Variants in STARD7 observed in about 807,000 individuals in gnomAD.
STARD7 encodes StAR related lipid transfer domain containing 7.
STARD7 carries 30 observed loss-of-function variants against 45.3 expected under a neutral mutation model. That is an observed-to-expected ratio of 0.66 (90% CI 0.50 to 0.90). The LOEUF is 0.90. Ranked by LOEUF, STARD7 falls within the 40% of genes least tolerant of loss-of-function variation. The pLI is 0.00. For synonymous variants in STARD7, 199 were observed against 183.0 expected (o/e 1.09, Z -0.70); for missense variants, 495 against 491.3 (o/e 1.01, Z -0.07).
chr2:96,196,711 T>C (rs993162152), intron 1 of STARD7, among the ~76,000 whole-genome samples: 2 of 152,168 alleles, frequency 1.3e-5, no homozygotes, highest in Middle Eastern at 3.4e-3. Context: ...TCTGCCCGCC[T>C]CGGCCTCCCA....
At chr2:96,191,214 G>A (rs1276273827) in intron 6 of STARD7, among the ~76,000 whole-genome samples, 1 of 152,054 alleles carries the variant, frequency 6.6e-6, no homozygotes, top group Non-Finnish European at 1.5e-5. Flanking sequence ...ATATATAATA[G>A]AAGAACTGGG....
At chr2:96,202,824 C>G (rs576894273) in intron 1 of STARD7, among the ~76,000 whole-genome samples, 1 of 152,256 alleles carries the variant, frequency 6.6e-6, no homozygotes, top group African/African-American at 2.4e-5. Flanking sequence ...ACATCAGAGG[C>G]TCATAAAATA....
chr2:96,199,944 T>G (rs1338672173), intron 1 of STARD7, among the ~76,000 whole-genome samples: 1 of 152,242 alleles, frequency 6.6e-6, no homozygotes, highest in Non-Finnish European at 1.5e-5. Context: ...TTTTTTCTAT[T>G]AATATGGTGT....
Position 96,208,212 on chromosome 2 carries a change from A to C in STARD7, c.223T>G (p.Leu75Val). 1 of 1,612,468 alleles carries C rather than the reference A, an allele frequency of 6.2e-7. No homozygotes were observed. Among genetic ancestry groups the C allele is most frequent in the Non-Finnish European group, 8.5e-7 (1 of 1,179,432 alleles). ...LHGRPGHASA[L>V]MAALAGVFVW... ...AAGACGCCGGCTAACGCCGCCATCA[A>C]GGCAGAGGCATGGCCAGGACGGCCG... is the stretch of plus-strand genomic sequence containing the variant. The change falls in exon 1 of 8, where the codon TTG (leucine) becomes GTG (valine). Residue 75 changes from leucine to valine, a missense_variant. By Grantham distance (32) the Leu-to-Val change is conservative (BLOSUM62 1). Transcript: ENST00000337288.
At chr2:96,187,154 G>GATA in intron 7 of STARD7, 63 bp downstream of exon 7, 1 of 1,270,590 alleles carries the variant, frequency 7.9e-7, no homozygotes, top group Non-Finnish European at 1.1e-6. Flanking sequence ...TCCCCATTAG[G>GATA]AAATAGAGAA....
chr2:96,188,951 T>C (rs1212341609), intron 6 of STARD7, among the ~76,000 whole-genome samples: 1 of 151,728 alleles, frequency 6.6e-6, no homozygotes, highest in African/African-American at 2.4e-5. Context: ...TTTGGGTGTT[T>C]TTTTTTTCTT....
intron 1 of STARD7, among the ~76,000 whole-genome samples, chr2:96,197,418 A>T (rs1190605937): frequency 2.0e-5 from 3 of 152,176 alleles, no homozygotes; most frequent in Non-Finnish European, 4.4e-5. Flanking sequence ...AATAAATAAA[A>T]AATAAAATAA....
At position 96,208,353 on chromosome 2, in the gene STARD7, G is replaced by T; in HGVS notation, c.82C>A (p.Arg28Ser). The T allele has an allele frequency of 1.3e-6, 2 of 1,581,990 alleles. No homozygotes were observed. Among genetic ancestry groups the T allele is most frequent in the South Asian group, 2.3e-5 (2 of 87,866 alleles). Residue 28 changes from arginine (R) to serine (S), a missense_variant, in exon 1 of 8, where the codon CGC becomes AGC. Transcript: ENST00000337288. ...CGCACGCGCAGGCCCGTGACGAAGC[G>T]GCACTGATTGGCCAGAAGCGCCAGC... ...GLLALLANQC[R>S]FVTGLRVRRA...
intron 5 of STARD7, 66 bp from the exon 6 acceptor site, chr2:96,192,534 A>C (rs1465622197): frequency 8.0e-7 from 1 of 1,252,816 alleles, no homozygotes; most frequent in Non-Finnish European, 1.2e-6. Context: ...AGGAGAGCTA[A>C]GTTAAGGGGA....
rs199605142 is a variant in STARD7, at chr2:96,199,622, CTT to C, written c.291-4075_291-4074del. 4.6e-5 allele frequency among the ~76,000 whole-genome samples: 7 copies of C among 152,256 alleles called. No homozygotes were observed. The East Asian group carries it at 1.3e-3, about 29-fold the overall frequency. ...GCTGCAAATAGAGATAGTTTTATTT[CTT>C]CTTTCCAATCTAAATGACTTTCATT... On this transcript the variant is annotated intron_variant, in intron 1 of 7. Coordinates refer to ENST00000337288, the MANE Select transcript of STARD7 (RefSeq NM_020151.4).
At chr2:96,205,687 C>T (rs1277269708) in intron 1 of STARD7, among the ~76,000 whole-genome samples, 1 of 152,138 alleles carries the variant, frequency 6.6e-6, no homozygotes, top group African/African-American at 2.4e-5. Flanking sequence ...TACTTAAACA[C>T]AAAGCAAATA....
At chr2:96,199,004 T>C (rs1005748402) in intron 1 of STARD7, among the ~76,000 whole-genome samples, 1 of 152,220 alleles carries the variant, frequency 6.6e-6, no homozygotes, top group African/African-American at 2.4e-5. Flanking sequence ...AAAGGTTTAT[T>C]TCTAGACTCT....
Position 96,187,310 on chromosome 2 carries a change from G to C in STARD7, c.844-9C>G, listed in dbSNP as rs1683052964. On this transcript the variant is annotated splice_polypyrimidine_tract_variant and intron_variant, in intron 6 of 7. Transcript: ENST00000337288. ...AAGTAGTCAAAGCCATTCTGGAAAA[G>C]AAAAACAGCAAAAATGAAGATCCCT... 1 of 1,596,280 alleles carries C rather than the reference G, an allele frequency of 6.3e-7. No individual in the cohort carries two copies. The highest frequency in any genetic ancestry group is 1.3e-5 in the African/African-American group (1 of 74,464).
chr2:96,204,937 T>C (rs1573947838), intron 1 of STARD7, among the ~76,000 whole-genome samples: 2 of 152,184 alleles, frequency 1.3e-5, no homozygotes, highest in African/African-American at 2.4e-5. Context: ...GAACTGTAAC[T>C]TTTAAAAAAC....
chr2:96,187,064 A>G, intron 7 of STARD7, 150 bp from the exon 8 acceptor site: 1 of 924,088 alleles, frequency 1.1e-6, no homozygotes, highest in Non-Finnish European at 1.6e-6. Flanking sequence ...TGCCTCCCGG[A>G]ATGTGTTCCC....
At chr2:96,187,148 C>G in intron 7 of STARD7, 69 bp downstream of exon 7, 1 of 1,205,320 alleles carries the variant, frequency 8.3e-7, no homozygotes, top group Non-Finnish European at 1.2e-6. Flanking sequence ...TTTATTTCCC[C>G]ATTAGGAAAT....
chr2:96,189,358 T>G (rs1202826332), intron 6 of STARD7, among the ~76,000 whole-genome samples: 1 of 152,194 alleles, frequency 6.6e-6, no homozygotes, highest in Non-Finnish European at 1.5e-5. Flanking sequence ...ACTCCTCCTG[T>G]GCCTTTTTCT....
intron 1 of STARD7, among the ~76,000 whole-genome samples, chr2:96,196,608 C>T (rs968852964): frequency 3.9e-5 from 6 of 152,098 alleles, no homozygotes; most frequent in African/African-American, 9.6e-5. Context: ...ACTACAGGCA[C>T]GCGCTATCAT....
intron 1 of STARD7, among the ~76,000 whole-genome samples, chr2:96,198,616 G>T (rs777237347): frequency 6.6e-6 from 1 of 152,072 alleles, no homozygotes; most frequent in African/African-American, 2.4e-5. Flanking sequence ...ATCTCATTGC[G>T]TCTTGACTGG....
Sources: gnomAD v4.1 joint callset for allele counts (sites outside exome capture counted in the v4.1 genomes callset) on GRCh38, gnomAD v4.1.1 for gene constraint, MANE v1.5 for transcripts, NCBI Gene and HGNC (gene_info 2026-07-23, HGNC 2026-07-21) for gene names.